Variants in CUX1 observed in about 807,000 individuals in gnomAD.
CUX1 encodes the protein cut like homeobox 1.
CUX1 carries 31 observed loss-of-function variants against 158.8 expected under a neutral mutation model. The ratio of observed to expected loss-of-function variants is 0.20; its 90% CI spans 0.15 to 0.26. The LOEUF is 0.26. Among genes scored for constraint, CUX1 ranks in the 10% least tolerant of loss-of-function variants. CUX1 has a pLI of 1.00. For missense variants in CUX1, 1,589 were observed against 2,014.6 expected (o/e 0.79, Z 4.04); for synonymous variants, 879 against 862.1 (o/e 1.02, Z -0.34).
chr7:102,185,622 T>C (rs34746794), intron 11 of CUX1, among the ~76,000 whole-genome samples: 9,950 of 149,812 alleles, frequency 0.066, 385 homozygotes, highest in African/African-American at 0.084. Context: ...TTTTTTTTGG[T>C]AGAGACGGGG....
intron 3 of CUX1, among the ~76,000 whole-genome samples, chr7:102,037,590 G>T (rs748413971): frequency 2.7e-4 from 41 of 151,218 alleles, no homozygotes; most frequent in Non-Finnish European, 4.9e-4. Context: ...AACCTCATGT[G>T]ATCCACCCAC....
chr7:102,209,345 T>G (rs1554522515), intron 20 of CUX1, among the ~76,000 whole-genome samples: 1 of 152,226 alleles, frequency 6.6e-6, no homozygotes, highest in East Asian at 1.9e-4. Context: ...GTGACGGGCT[T>G]GGGCATTAAG....
intron 20 of CUX1, among the ~76,000 whole-genome samples, chr7:102,221,241 G>T (rs562382147): frequency 2.0e-5 from 3 of 152,372 alleles, no homozygotes; most frequent in African/African-American, 7.2e-5. Context: ...ATGTCACGGA[G>T]TACCCTGTCA....
chr7:102,025,976 A>C (rs1057217117), intron 2 of CUX1, among the ~76,000 whole-genome samples: 1 of 152,160 alleles, frequency 6.6e-6, no homozygotes, highest in African/African-American at 2.4e-5. Flanking sequence ...CAGGAATTCA[A>C]GACCAGCCTG....
At position 102,249,305 on chromosome 7, in the gene CUX1, C is replaced by T. The variant is rs1413243285; in HGVS notation, c.*263C>T. On this transcript the variant is annotated 3_prime_UTR_variant, in exon 24 of 24. Coordinates refer to ENST00000292535, the MANE Select transcript of CUX1 (RefSeq NM_181552.4). The stretch of plus-strand genomic sequence containing the variant: ...CTCCACCAACCCCGCGGCCCAGACC[C>T]AGCCCGCGGCCTGGACCCCTGGACC... The T allele has an allele frequency of 1.8e-5, 19 of 1,031,260 alleles. No homozygotes were observed. Among genetic ancestry groups the T allele is most frequent in the Non-Finnish European group, 2.1e-5 (18 of 859,126 alleles). The allele number at this position is 1,031,260 out of a possible 1,614,324, so 63.9% of individuals were successfully genotyped here.
chr7:102,133,960 C>G (rs1415381557), intron 8 of CUX1, among the ~76,000 whole-genome samples: 11 of 152,194 alleles, frequency 7.2e-5, no homozygotes, highest in African/African-American at 2.7e-4. Context: ...TTCATCACTA[C>G]TTCAAAATGT....
intron 3 of CUX1, among the ~76,000 whole-genome samples, chr7:102,055,956 C>G (rs1055035881): frequency 7.2e-5 from 11 of 152,192 alleles, no homozygotes; most frequent in African/African-American, 2.7e-4. Context: ...CATAGACGAT[C>G]AAACCAGCCA....
intron 8 of CUX1, among the ~76,000 whole-genome samples, chr7:102,149,492 G>A (rs989072300): frequency 4.0e-5 from 6 of 149,376 alleles, no homozygotes; most frequent in Non-Finnish European, 5.9e-5. Context: ...GAGTCCCAGC[G>A]CCACTACGCC....
chr7:102,045,316 A>T (rs887681021), intron 3 of CUX1, among the ~76,000 whole-genome samples: 46 of 152,246 alleles, frequency 3.0e-4, no homozygotes, highest in Non-Finnish European at 1.5e-5. Context: ...GTTGAGGCTA[A>T]GTCCATGATC....
chr7:102,101,330 T>G (rs1554486297), intron 5 of CUX1, among the ~76,000 whole-genome samples: 1 of 152,200 alleles, frequency 6.6e-6, no homozygotes, highest in South Asian at 2.1e-4. Flanking sequence ...CTCTCTGTTA[T>G]GCTGGCCCCG....
chr7:102,161,604 T>C (rs544345230), intron 9 of CUX1, among the ~76,000 whole-genome samples: 1 of 152,364 alleles, frequency 6.6e-6, no homozygotes, highest in South Asian at 2.1e-4. Flanking sequence ...TTCCATTTTT[T>C]AAATTTATTT....
At chr7:101,831,895 C>T (rs1432101276) in intron 1 of CUX1, among the ~76,000 whole-genome samples, 3 of 151,856 alleles carry the variant, frequency 2.0e-5, no homozygotes, top group Non-Finnish European at 4.4e-5. Flanking sequence ...GCATGCGCCA[C>T]CATGCCAGGC....
chr7:101,941,354 G>A (rs1541437), intron 2 of CUX1, among the ~76,000 whole-genome samples: 11,856 of 152,236 alleles, frequency 0.078, 1,560 homozygotes, highest in African/African-American at 0.27. Flanking sequence ...GGCTTTCATC[G>A]CTGCATGGGG....
intron 3 of CUX1, among the ~76,000 whole-genome samples, chr7:102,064,939 G>C (rs1278155164): frequency 6.6e-6 from 1 of 152,190 alleles, no homozygotes; most frequent in Non-Finnish European, 1.5e-5. Flanking sequence ...TGGACGGAGA[G>C]GTTAGCGAAG....
chr7:101,988,080 C>T (rs926927418), intron 2 of CUX1, among the ~76,000 whole-genome samples: 7 of 152,026 alleles, frequency 4.6e-5, no homozygotes, highest in East Asian at 1.9e-4. Flanking sequence ...GGCGTGGTGG[C>T]GCATGCCTGT....
In CUX1 at chr7:102,227,583, T is replaced by C; in HGVS notation, c.3347T>C (p.Ile1116Thr). The C allele has an allele frequency of 6.2e-7, 1 of 1,614,122 alleles. No homozygotes were observed. The highest frequency in any genetic ancestry group is 8.5e-7 in the Non-Finnish European group (1 of 1,180,034). ...LPLSGHSALSIQELVAMSPEL... is the reference protein window; with the variant it reads ...LPLSGHSALSTQELVAMSPEL... ...CTCTCCGGACACTCGGCCCTCAGCA[T>C]CCAAGAATTAGTAGCCATGTCCCCG... The change falls in exon 21 of 24, where the codon ATC (isoleucine) becomes ACC (threonine). Residue 1116 changes from isoleucine to threonine, a missense_variant. Ile to Thr is a moderately conservative substitution (Grantham distance 89). Transcript: ENST00000292535.
chr7:102,229,345 C>T (rs1310213494), intron 21 of CUX1, among the ~76,000 whole-genome samples: 5 of 150,158 alleles, frequency 3.3e-5, no homozygotes, highest in African/African-American at 7.4e-5. Flanking sequence ...CTCTGTCGCC[C>T]AGGCTGGAGT....
rs1164172768 is a variant in CUX1, at chr7:102,201,164, CTG to C, written c.2063-194_2063-193del. ...TACCAAAGGCCACCAGGTCATCAAG[CTG>C]TAGTGTCAGGCCCTGGTCCTTGGTT... On this transcript the variant is annotated intron_variant, in intron 17 of 23. Coordinates refer to ENST00000292535, the MANE Select transcript of CUX1 (RefSeq NM_181552.4). The surrounding 1 kb of genome is among the most constrained non-coding windows in gnomAD (Gnocchi z 5.0). Among the ~76,000 whole-genome samples, 1 of 151,776 alleles carries C rather than the reference CTG, an allele frequency of 6.6e-6. No homozygotes were observed. Among genetic ancestry groups the C allele is most frequent in the Non-Finnish European group, 1.5e-5 (1 of 67,994 alleles).
At chr7:102,196,355 C>A (rs1396981385) in intron 14 of CUX1, among the ~76,000 whole-genome samples, 1 of 152,172 alleles carries the variant, frequency 6.6e-6, no homozygotes, top group African/African-American at 2.4e-5. Context: ...CTCCTTGTCA[C>A]GCTAGGAGTT....
Sources: gnomAD v4.1 joint callset for allele counts (sites outside exome capture counted in the v4.1 genomes callset) on GRCh38, gnomAD v4.1.1 for gene constraint, Gnocchi (gnomAD v3.1) non-coding constraint, MANE v1.5 for transcripts, NCBI Gene and HGNC (gene_info 2026-07-23, HGNC 2026-07-21) for gene names.